Variants in PDE3A observed in about 807,000 individuals in gnomAD.
The protein encoded by PDE3A is cGMP-inhibited 3',5'-cyclic phosphodiesterase 3A.
Under a neutral mutation model 98.3 loss-of-function variants are expected in PDE3A, and 43 were observed. That is an observed-to-expected ratio of 0.44 (90% CI 0.34 to 0.56). PDE3A has a LOEUF of 0.56. PDE3A is among the 20% of genes least tolerant of loss of function. The pLI is 0.01. For missense variants in PDE3A, 1,427 were observed against 1,440.7 expected, an observed-to-expected ratio of 0.99 and a Z score of 0.15; for synonymous variants, 663 against 567.9, an observed-to-expected ratio of 1.17 and a Z score of -2.38.
At chr12:20,452,553 C>T (rs1306766389) in intron 1 of PDE3A, among the ~76,000 whole-genome samples, 2 of 152,162 alleles carry the variant, frequency 1.3e-5, no homozygotes, top group African/African-American at 2.4e-5. Flanking sequence ...ATGCTAGTTA[C>T]GCAGTTAATG....
At chr12:20,655,731 G>A (rs1038925888) in intron 15 of PDE3A, among the ~76,000 whole-genome samples, 3 of 152,180 alleles carry the variant, frequency 2.0e-5, no homozygotes, top group Admixed American at 1.3e-4. Context: ...GGTTTTGAAC[G>A]GAAGAGTTAG....
chr12:20,430,937 A>G (rs1944685827), intron 1 of PDE3A, among the ~76,000 whole-genome samples: 1 of 152,144 alleles, frequency 6.6e-6, no homozygotes, highest in South Asian at 2.1e-4. Flanking sequence ...TAGATATCTT[A>G]CCCGTCAGTT....
chr12:20,389,370 A>G (rs543572679), intron 1 of PDE3A, among the ~76,000 whole-genome samples: 1 of 151,914 alleles, frequency 6.6e-6, no homozygotes, highest in South Asian at 2.1e-4. Context: ...TAATACAACT[A>G]TATCTCATCA....
intron 2 of PDE3A, among the ~76,000 whole-genome samples, chr12:20,599,253 C>T (rs531827824): frequency 2.0e-5 from 3 of 152,088 alleles, no homozygotes; most frequent in Non-Finnish European, 4.4e-5. Flanking sequence ...GTTCTTTCAC[C>T]TCACCAGGAT....
intron 15 of PDE3A, among the ~76,000 whole-genome samples, chr12:20,675,122 A>G (rs570114462): frequency 5.3e-5 from 8 of 151,404 alleles, no homozygotes; most frequent in Non-Finnish European, 1.2e-4. Flanking sequence ...TTCCATTTTC[A>G]TTTGTTTCAA....
chr12:20,601,837 G>A (rs1445175869), intron 2 of PDE3A, among the ~76,000 whole-genome samples: 2 of 151,708 alleles, frequency 1.3e-5, no homozygotes, highest in Non-Finnish European at 1.5e-5. Flanking sequence ...TGTTTTAAAA[G>A]AGATGGTCAG....
chr12:20,448,946 CT>C (rs1945011007), intron 1 of PDE3A, among the ~76,000 whole-genome samples: 1 of 152,110 alleles, frequency 6.6e-6, no homozygotes, highest in Non-Finnish European at 1.5e-5. Context: ...TTCAGTTAAT[CT>C]CTTTAAATGG....
rs187212603 is a variant in PDE3A, at chr12:20,664,910, A to G, written c.3184+10705A>G. Among the ~76,000 whole-genome samples, 556 of 152,160 alleles carry G rather than the reference A, an allele frequency of 3.7e-3. 2 individuals carry two copies. The highest frequency in any genetic ancestry group is 0.012 in the African/African-American group (483 of 41,520). On this transcript the variant is annotated intron_variant, in intron 15 of 15. Coordinates refer to ENST00000359062, the MANE Select transcript of PDE3A (RefSeq NM_000921.5). Reference sequence around the variant, plus strand: ...TCAGTACATCTTACCAACATACTCAACTGCTCAGGCCAGAAAACAGGGTTG... The same window carrying G: ...TCAGTACATCTTACCAACATACTCAGCTGCTCAGGCCAGAAAACAGGGTTG...
At chr12:20,651,477 AAAG>A (rs564117739) in intron 14 of PDE3A, among the ~76,000 whole-genome samples, 25 of 152,354 alleles carry the variant, frequency 1.6e-4, no homozygotes, top group Non-Finnish European at 3.1e-4. Flanking sequence ...TGTGGAGATT[AAAG>A]AAGATAAATT....
chr12:20,467,638 T>C (rs891610558), intron 1 of PDE3A, among the ~76,000 whole-genome samples: 3 of 152,016 alleles, frequency 2.0e-5, no homozygotes, highest in Non-Finnish European at 4.4e-5. Flanking sequence ...ATTTAGACAG[T>C]AAAGAGTTGG....
At chr12:20,662,897 G>T (rs541678518) in intron 15 of PDE3A, among the ~76,000 whole-genome samples, 5 of 152,156 alleles carry the variant, frequency 3.3e-5, no homozygotes, top group African/African-American at 1.2e-4. Context: ...ATGTCTCCAG[G>T]GCATGTCAGA....
chr12:20,515,651 A>G (rs1946306001), intron 1 of PDE3A, among the ~76,000 whole-genome samples: 1 of 152,220 alleles, frequency 6.6e-6, no homozygotes, highest in Admixed American at 6.5e-5. Flanking sequence ...AATCCGAAGC[A>G]GACTAGAGTA....
At position 20,681,979 on chromosome 12, in the gene PDE3A, T is replaced by C. The variant is rs1426821673; in HGVS notation, c.*1708T>C. 1 of 152,206 alleles carries C rather than the reference T, an allele frequency of 6.6e-6. No individual in the cohort carries two copies. The highest frequency in any genetic ancestry group is 1.5e-5 in the Non-Finnish European group (1 of 68,040). 9.4% of individuals were successfully genotyped at this position (152,206 alleles called of 1,614,324 possible). Reference sequence around the variant, plus strand: ...ACCATTTTTATACATTGTAGTTCTCTCCAAGCCCAGTAAGAGAATGATGAT... The same window carrying C: ...ACCATTTTTATACATTGTAGTTCTCCCCAAGCCCAGTAAGAGAATGATGAT... On this transcript the variant is annotated 3_prime_UTR_variant, in exon 16 of 16. Coordinates refer to ENST00000359062, the MANE Select transcript of PDE3A (RefSeq NM_000921.5).
Position 20,552,442 on chromosome 12 carries a change from A to G in PDE3A, c.961-4218A>G, listed in dbSNP as rs1942238194. The stretch of plus-strand genomic sequence containing the variant: ...CCGGATCAAGAAGCTGGGGCTGACC[A>G]TGCAGTATCCAGAAGGCTACCTGGA... On this transcript the variant is annotated intron_variant, in intron 1 of 15. Transcript: ENST00000359062. This position sits in a 1 kb window ranked among gnomAD's most constrained non-coding sequence, Gnocchi z 5.1. The G allele has an allele frequency of 1.2e-6, 2 of 1,612,776 alleles. No individual in the cohort carries two copies. The highest frequency in any genetic ancestry group is 8.5e-7 in the Non-Finnish European group (1 of 1,179,786).
intron 2 of PDE3A, among the ~76,000 whole-genome samples, chr12:20,569,116 TA>T (rs761179410): frequency 5.9e-5 from 9 of 151,994 alleles, no homozygotes; most frequent in Non-Finnish European, 1.0e-4. Flanking sequence ...TATGGAGATA[TA>T]AAAAAAGTAA....
intron 1 of PDE3A, among the ~76,000 whole-genome samples, chr12:20,521,064 C>T (rs910767591): frequency 4.0e-5 from 6 of 151,672 alleles, no homozygotes; most frequent in Admixed American, 1.3e-4. Context: ...AAGTGCCATT[C>T]GTTTTATTTG....
chr12:20,438,873 C>T (rs531039899), intron 1 of PDE3A, among the ~76,000 whole-genome samples: 38 of 152,046 alleles, frequency 2.5e-4, no homozygotes, highest in African/African-American at 8.9e-4. Context: ...GATTCTCCTG[C>T]CTCCACCTCC....
intron 2 of PDE3A, among the ~76,000 whole-genome samples, chr12:20,577,500 C>T (rs942592738): frequency 2.0e-5 from 3 of 152,178 alleles, no homozygotes; most frequent in Admixed American, 6.5e-5. Flanking sequence ...AACTGAACCG[C>T]ATATTCAGTT....
intron 1 of PDE3A, among the ~76,000 whole-genome samples, chr12:20,425,768 A>G (rs1226141835): frequency 6.6e-6 from 1 of 152,206 alleles, no homozygotes; most frequent in Non-Finnish European, 1.5e-5. Flanking sequence ...AGTGTCTGGC[A>G]CTATGCGTAT....
Sources: gnomAD v4.1 joint callset for allele counts (sites outside exome capture counted in the v4.1 genomes callset) on GRCh38, gnomAD v4.1.1 for gene constraint, Gnocchi (gnomAD v3.1) non-coding constraint, MANE v1.5 for transcripts, NCBI Gene and HGNC (gene_info 2026-07-23, HGNC 2026-07-21) for gene names.